Variants in PDE3A observed in about 807,000 individuals in gnomAD.
PDE3A encodes cGMP-inhibited 3',5'-cyclic phosphodiesterase 3A.
A neutral mutation model predicts 98.3 loss-of-function variants in PDE3A; 43 were observed. The observed-to-expected ratio is 0.44, with a 90% confidence interval of 0.34 to 0.56. The LOEUF is 0.56. Among genes scored for constraint, PDE3A ranks in the 20% least tolerant of loss-of-function variants. The pLI is 0.01. For synonymous variants in PDE3A, 663 were observed against 567.9 expected (o/e 1.17, Z -2.38); for missense variants, 1,427 against 1,440.7 (o/e 0.99, Z 0.15).
intron 2 of PDE3A, among the ~76,000 whole-genome samples, chr12:20,593,212 A>G (rs1424228743): frequency 1.3e-5 from 2 of 152,212 alleles, no homozygotes; most frequent in East Asian, 1.9e-4. Flanking sequence ...GGCAGAAGTA[A>G]CACCATAAAC....
At chr12:20,396,448 G>A (rs957814326) in intron 1 of PDE3A, among the ~76,000 whole-genome samples, 1 of 152,082 alleles carries the variant, frequency 6.6e-6, no homozygotes, top group Non-Finnish European at 1.5e-5. Flanking sequence ...GAACTTGAAT[G>A]TCTAAAGCCA....
At chr12:20,498,468 A>T (rs760810589) in intron 1 of PDE3A, among the ~76,000 whole-genome samples, 1 of 152,224 alleles carries the variant, frequency 6.6e-6, no homozygotes, top group African/African-American at 2.4e-5. Flanking sequence ...AACTATTTAC[A>T]TAGCATTTAC....
At chr12:20,668,327 C>A (rs1481962121) in intron 15 of PDE3A, among the ~76,000 whole-genome samples, 1 of 150,730 alleles carries the variant, frequency 6.6e-6, no homozygotes, top group South Asian at 2.1e-4. Context: ...CCAGGAAGCT[C>A]GAACTGGGTG....
chr12:20,439,006 G>T (rs886091448), intron 1 of PDE3A, among the ~76,000 whole-genome samples: 1 of 151,954 alleles, frequency 6.6e-6, no homozygotes, highest in African/African-American at 2.4e-5. Flanking sequence ...TGTTGGTCAG[G>T]GTGGTCTCAA....
intron 15 of PDE3A, among the ~76,000 whole-genome samples, chr12:20,672,135 T>C (rs898803525): frequency 6.7e-6 from 1 of 149,726 alleles, no homozygotes; most frequent in Admixed American, 6.6e-5. Flanking sequence ...GAATCCAACT[T>C]ACAAGGGATG....
intron 1 of PDE3A, among the ~76,000 whole-genome samples, chr12:20,413,907 G>A (rs1026722876): frequency 3.3e-5 from 5 of 152,098 alleles, no homozygotes; most frequent in Admixed American, 6.6e-5. Context: ...CTTTAGAGAC[G>A]TTTAGTAATA....
intron 1 of PDE3A, among the ~76,000 whole-genome samples, chr12:20,509,508 A>G (rs1426830538): frequency 6.6e-6 from 1 of 152,026 alleles, no homozygotes; most frequent in Non-Finnish European, 1.5e-5. Flanking sequence ...GTTTGTTCTT[A>G]TACCTTAATT....
chr12:20,482,943 C>T (rs1035259929), intron 1 of PDE3A, among the ~76,000 whole-genome samples: 2 of 152,046 alleles, frequency 1.3e-5, no homozygotes, highest in African/African-American at 4.8e-5. Context: ...TACGATATGA[C>T]GTAGGAATTA....
At chr12:20,458,365 A>G (rs1376130385) in intron 1 of PDE3A, among the ~76,000 whole-genome samples, 1 of 151,794 alleles carries the variant, frequency 6.6e-6, no homozygotes, top group Non-Finnish European at 1.5e-5. Context: ...ATCGAGGTAT[A>G]TAAATATTAA....
At chr12:20,411,159 C>T (rs939378179) in intron 1 of PDE3A, among the ~76,000 whole-genome samples, 1 of 151,930 alleles carries the variant, frequency 6.6e-6, no homozygotes, top group Non-Finnish European at 1.5e-5. Context: ...ACAAAGTTTA[C>T]CATCTTGGTC....
At chr12:20,484,089 C>T (rs1565563838) in intron 1 of PDE3A, among the ~76,000 whole-genome samples, 2 of 152,030 alleles carry the variant, frequency 1.3e-5, no homozygotes, top group African/African-American at 4.8e-5. Flanking sequence ...TCAAAAATCT[C>T]CTTGTGTATA....
chr12:20,457,188 A>G (rs1304939040), intron 1 of PDE3A, among the ~76,000 whole-genome samples: 3 of 152,016 alleles, frequency 2.0e-5, no homozygotes, highest in Non-Finnish European at 4.4e-5. Context: ...CACTACAGAA[A>G]AAGTATTCTA....
rs1185769313 is a variant in PDE3A, at chr12:20,560,883, A to T, written c.1011+4173A>T. On this transcript the variant is annotated intron_variant, in intron 2 of 15. Coordinates refer to ENST00000359062, the MANE Select transcript of PDE3A (RefSeq NM_000921.5). The stretch of plus-strand genomic sequence containing the variant: ...CCCCCACCCCTACCCCATACCAGCC[A>T]TTTACACTATATCAGAGAAACTGGC... 2.8e-5 allele frequency among the ~76,000 whole-genome samples: 4 copies of T among 141,520 alleles called. No homozygotes were observed. In the South Asian group the frequency reaches 9.9e-4, roughly 35 times the overall value. 92.8% of individuals were successfully genotyped at this position (141,520 alleles called of 152,430 possible).
chr12:20,551,734 G>A lies in PDE3A; in HGVS notation c.961-4926G>A. ...CCCTGAGTGCCGGAATGATGCCAGC[G>A]AGGTGGTACTGGCGGGAGAGCGGCT... On this transcript the variant is annotated intron_variant, in intron 1 of 15. Transcript: ENST00000359062. The A allele has an allele frequency of 2.5e-6, 4 of 1,613,880 alleles. No individual in the cohort carries two copies. In the South Asian group the frequency reaches 3.3e-5, roughly 13 times the overall value.
chr12:20,589,957 C>T (rs1023448799), intron 2 of PDE3A, among the ~76,000 whole-genome samples: 2 of 151,708 alleles, frequency 1.3e-5, no homozygotes, highest in South Asian at 2.1e-4. Context: ...CCTACACTCA[C>T]GGTCATAATA....
At chr12:20,658,635 C>G (rs1361618546) in intron 15 of PDE3A, among the ~76,000 whole-genome samples, 2 of 152,180 alleles carry the variant, frequency 1.3e-5, no homozygotes, top group African/African-American at 4.8e-5. Flanking sequence ...ATTAAGCCAC[C>G]TGTTAATTGG....
chr12:20,397,956 T>C (rs1001360359), intron 1 of PDE3A, among the ~76,000 whole-genome samples: 1 of 152,150 alleles, frequency 6.6e-6, no homozygotes, highest in Non-Finnish European at 1.5e-5. Context: ...AGATGATTTA[T>C]TGAATACTTA....
intron 1 of PDE3A, among the ~76,000 whole-genome samples, chr12:20,528,866 A>G (rs1294022818): frequency 1.3e-5 from 2 of 152,202 alleles, no homozygotes; most frequent in African/African-American, 4.8e-5. Context: ...GAGTATTTAC[A>G]GAGAATAGAC....
intron 15 of PDE3A, among the ~76,000 whole-genome samples, chr12:20,672,887 G>C (rs1446375314): frequency 1.5e-4 from 21 of 140,872 alleles, no homozygotes; most frequent in African/African-American, 4.3e-4. Context: ...CACAGCAAAA[G>C]AAACTACCAT....
Sources: allele counts gnomAD v4.1 joint callset (sites outside exome capture counted in the v4.1 genomes callset), GRCh38; gene constraint gnomAD v4.1.1; transcripts MANE v1.5; gene names NCBI Gene and HGNC (gene_info 2026-07-23, HGNC 2026-07-21).